The following MYOM2 variants were observed in gnomAD, a reference collection of about 807,000 sequenced individuals.
MYOM2 encodes myomesin-2.
MYOM2 carries 254 observed loss-of-function variants against 187.6 expected under a neutral mutation model. That is an observed-to-expected ratio of 1.35 (90% CI 1.22 to 1.50). MYOM2 has a LOEUF of 1.50. Among genes scored for constraint, MYOM2 ranks in the 40% most tolerant of loss-of-function variants. MYOM2 has a pLI of 0.00. For missense variants in MYOM2, 2,796 were observed against 1,924.0 expected, an observed-to-expected ratio of 1.45 and a Z score of -8.48; for synonymous variants, 981 against 753.8, an observed-to-expected ratio of 1.30 and a Z score of -4.94.
chr8:2,082,277 TAAAAAA>T (rs952542129), intron 13 of MYOM2: 7 of 152,196 alleles, frequency 4.6e-5, no homozygotes, highest in Admixed American at 2.0e-4. Flanking sequence ...TCCTCTAACT[TAAAAAA>T]ATCTTTAGCC....
chr8:2,079,753 C>A (rs549402117), intron 13 of MYOM2, 140 bp downstream of exon 13: 1 of 882,408 alleles, frequency 1.1e-6, no homozygotes, highest in South Asian at 1.4e-5. Flanking sequence ...GTCAGGCCTG[C>A]AAGCCCAGTG....
At chr8:2,132,249 A>T (rs552626422) in intron 32 of MYOM2, among the ~76,000 whole-genome samples, 3 of 151,072 alleles carry the variant, frequency 2.0e-5, no homozygotes, top group African/African-American at 4.9e-5. Context: ...ATTTTGTGTT[A>T]ATGGGTGACA....
At chr8:2,047,393 G>C (rs535088849) in intron 1 of MYOM2, among the ~76,000 whole-genome samples, 31 of 152,158 alleles carry the variant, frequency 2.0e-4, no homozygotes, top group African/African-American at 6.7e-4. Context: ...GGTGAGGCTG[G>C]ACGTGCAGTC....
At chr8:2,045,898 G>A (rs1479513972) in intron 1 of MYOM2, among the ~76,000 whole-genome samples, 1 of 152,228 alleles carries the variant, frequency 6.6e-6, no homozygotes, top group African/African-American at 2.4e-5. Context: ...GAAGGGGTTT[G>A]CCATCACTGG....
Position 2,098,875 on chromosome 8 carries a change from G to C in MYOM2, c.2332G>C (p.Gly778Arg), listed in dbSNP as rs991757663. Residue 778 changes from glycine to arginine, a missense_variant, in exon 19 of 37, where the codon GGC (glycine) becomes CGC (arginine). Physicochemically the swap from Gly to Arg is moderately radical, Grantham distance 125. Coordinates refer to ENST00000262113, the MANE Select transcript of MYOM2 (RefSeq NM_003970.4). ...TILTVDGLTE[G>R]SLYEFKIAAV... ...TGAATAGGTGGACGGCTTGACGGAAGGCTCACTCTACGAGTTCAAAATCGC... is the reference window on the plus strand; with the variant it reads ...TGAATAGGTGGACGGCTTGACGGAACGCTCACTCTACGAGTTCAAAATCGC... The C allele has an allele frequency of 3.1e-6, 5 of 1,612,868 alleles. No homozygotes were observed. Among genetic ancestry groups the C allele is most frequent in the Non-Finnish European group, 3.4e-6 (4 of 1,179,392 alleles).
Position 2,106,511 on chromosome 8 carries a change from A to G in MYOM2, c.2912A>G (p.Asn971Ser). The change falls in exon 23 of 37, where the codon AAT becomes AGT. Residue 971 changes from asparagine to serine, a missense_variant. Coordinates refer to ENST00000262113, the MANE Select transcript of MYOM2 (RefSeq NM_003970.4). ...TTTAGCTCCAAGCTGTACTTAAAGA[A>G]TCCGGATAAGGAGGATTTAGGGACT... ...VGDHSKLYLK[N>S]PDKEDLGTYS... 6.2e-7 allele frequency: 1 copy of G among 1,612,472 alleles called. No homozygotes were observed.
Position 2,102,677 on chromosome 8 carries a change from T to A in MYOM2, c.2630T>A (p.Leu877Gln). 1 of 1,610,476 alleles carries A rather than the reference T, an allele frequency of 6.2e-7. No individual in the cohort carries two copies. The highest frequency in any genetic ancestry group is 1.1e-5 in the South Asian group (1 of 90,978). The change falls in exon 21 of 37, where the codon CTG (leucine) becomes CAG (glutamine). Residue 877 changes from leucine to glutamine, a missense_variant. Transcript: ENST00000262113. ...CTCTGTTGTTTCAAGGTCTCTGACC[T>A]GCAGCAAGGTAAGACCTATGTCTTC... ...TASRYLKVSD[L>Q]QQGKTYVFRV...
At chr8:2,078,663 A>G (rs1819515210) in intron 11 of MYOM2, 71 bp from the exon 12 acceptor site, 3 of 1,400,096 alleles carry the variant, frequency 2.1e-6, no homozygotes, top group South Asian at 1.2e-5. Context: ...GCATATATGC[A>G]TATACCTATG....
At chr8:2,051,961 T>TATGC (rs1373830886) in intron 2 of MYOM2, among the ~76,000 whole-genome samples, 197 bp from the exon 3 acceptor site, 1 of 152,244 alleles carries the variant, frequency 6.6e-6, no homozygotes, top group African/African-American at 2.4e-5. Flanking sequence ...TGTATGTGCA[T>TATGC]ATGCATGCAT....
At chr8:2,092,214 C>T (rs986741458) in intron 15 of MYOM2, 132 bp from the exon 16 acceptor site, 21 of 1,074,876 alleles carry the variant, frequency 2.0e-5, no homozygotes, top group Non-Finnish European at 2.3e-5. Context: ...TACTCCTGGA[C>T]CCCTTGTCTG....
At chr8:2,069,239 A>G (rs2129333352) in intron 6 of MYOM2, 39 bp from the exon 7 acceptor site, 4 of 1,587,298 alleles carry the variant, frequency 2.5e-6, no homozygotes, top group Non-Finnish European at 3.4e-6. Context: ...CTTTTACACA[A>G]CAGTCCCGCA....
chr8:2,103,706 C>T (rs1003855171), intron 21 of MYOM2, among the ~76,000 whole-genome samples: 1 of 137,232 alleles, frequency 7.3e-6, no homozygotes, highest in South Asian at 2.3e-4. Context: ...GGAGAGTGTG[C>T]ATGTATTAGT....
intron 28 of MYOM2, among the ~76,000 whole-genome samples, chr8:2,120,672 ATATTATAT>A (rs1425427412): frequency 1.9e-5 from 1 of 51,928 alleles, no homozygotes; most frequent in Non-Finnish European, 3.5e-5. Flanking sequence ...ATATATATAT[ATATTATAT>A]TATATATAAA....
rs756567474 is a variant in MYOM2 at position 2,059,232 on chromosome 8, C to A, written c.640C>A (p.Leu214Met). The change falls in exon 6 of 37, where the codon CTG (leucine) becomes ATG (methionine). Residue 214 changes from leucine (L) to methionine (M), a missense_variant. Physicochemically the swap from Leu to Met is conservative, Grantham distance 15. Coordinates refer to ENST00000262113, the MANE Select transcript of MYOM2 (RefSeq NM_003970.4). Reference protein sequence around the residue: ...RIESNYGVHTLEINRADFDDT... With the variant: ...RIESNYGVHTMEINRADFDDT... ...TGAGAGCAACTATGGCGTACACACACTGGAGATCAACAGGTATGGCTGTGG... is the reference window on the plus strand; with the variant it reads ...TGAGAGCAACTATGGCGTACACACAATGGAGATCAACAGGTATGGCTGTGG... The A allele has an allele frequency of 6.2e-7, 1 of 1,614,114 alleles. No homozygotes were observed. Among genetic ancestry groups the A allele is most frequent in the East Asian group, 2.2e-5 (1 of 44,886 alleles).
At position 2,072,471 on chromosome 8, in the gene MYOM2, T is replaced by C; in HGVS notation, c.920T>C (p.Leu307Pro). The C allele has an allele frequency of 6.2e-7, 1 of 1,613,944 alleles. No individual in the cohort carries two copies. Among genetic ancestry groups the C allele is most frequent in the South Asian group, 1.1e-5 (1 of 91,086 alleles). ...LKCTMLVTPD[L>P]KRVQPRAEWY... ...TGCACCATGCTGGTGACGCCGGACC[T>C]GAAGCGGGTGCAGCCGCGCGCCGAG... Residue 307 changes from leucine to proline, a missense_variant, in exon 9 of 37, where the codon CTG (leucine) becomes CCG (proline). By Grantham distance (98) the Leu-to-Pro change is moderately conservative. Transcript: ENST00000262113.
At chr8:2,114,252 C>T (rs1191732878) in intron 25 of MYOM2, among the ~76,000 whole-genome samples, 4 of 152,204 alleles carry the variant, frequency 2.6e-5, no homozygotes, top group Non-Finnish European at 4.4e-5. Flanking sequence ...ATCACCAAAG[C>T]AGCAGAGAGG....
rs562106463 is a variant in MYOM2 at position 2,144,956 on chromosome 8, C to T, written c.4373C>T (p.Ala1458Val). Residue 1458 changes from alanine to valine, a missense_variant, in exon 37 of 37, where the codon GCG (alanine) becomes GTG (valine). Coordinates refer to ENST00000262113, the MANE Select transcript of MYOM2 (RefSeq NM_003970.4). ...PQQAKPKLIP[A>V]SASAAGQ ...CAAGCCAAGCCCAAGCTCATCCCCG[C>T]GTCTGCCTCAGCGGCAGGCCAGTGA... 5.1e-5 allele frequency: 83 copies of T among 1,614,140 alleles called. No homozygotes were observed. In the East Asian group the frequency reaches 5.6e-4, roughly 11 times the overall value.
chr8:2,116,337 AT>A, intron 27 of MYOM2, 62 bp downstream of exon 27: 1 of 1,484,174 alleles, frequency 6.7e-7, no homozygotes, highest in Non-Finnish European at 9.2e-7. Flanking sequence ...TGATTGGAGT[AT>A]TTGTCAGAAG....
At chr8:2,079,697 GC>G in intron 13 of MYOM2, 84 bp downstream of exon 13, 1 of 1,397,246 alleles carries the variant, frequency 7.2e-7, no homozygotes, top group Non-Finnish European at 1.0e-6. Context: ...GACAGAGAAC[GC>G]CCCCTACTGG....
Sources: gnomAD v4.1 joint callset for allele counts (sites outside exome capture counted in the v4.1 genomes callset) on GRCh38, gnomAD v4.1.1 for gene constraint, MANE v1.5 for transcripts, NCBI Gene and HGNC (gene_info 2026-07-23, HGNC 2026-07-21) for gene names.